DPP10: variants seen among roughly 807,000 people sequenced by gnomAD.
DPP10 encodes the protein inactive dipeptidyl peptidase 10.
A neutral mutation model predicts 120.9 loss-of-function variants in DPP10; 33 were observed. The observed-to-expected ratio is 0.27, with a 90% confidence interval of 0.21 to 0.37. The LOEUF (loss-of-function observed/expected upper bound fraction) is 0.37, where lower values mean the gene tolerates loss of function less well. Among genes scored for constraint, DPP10 ranks in the 10% least tolerant of loss-of-function variants. The pLI is 1.00. For synonymous variants in DPP10, 337 were observed against 326.1 expected, an observed-to-expected ratio of 1.03 and a Z score of -0.36; for missense variants, 816 against 942.8, an observed-to-expected ratio of 0.87 and a Z score of 1.76.
At chr2:115,156,100 C>G (rs1163367084) in intron 1 of DPP10, among the ~76,000 whole-genome samples, 1 of 152,094 alleles carries the variant, frequency 6.6e-6, no homozygotes, top group Non-Finnish European at 1.5e-5. Context: ...CACTAGCAAG[C>G]AACTCATCGT....
intron 3 of DPP10, among the ~76,000 whole-genome samples, chr2:115,384,652 GA>G (rs2066759422): frequency 1.4e-5 from 2 of 141,962 alleles, no homozygotes; most frequent in African/African-American, 5.3e-5. Flanking sequence ...GGAAGAAGAA[GA>G]AGGAAGAAGA....
At chr2:114,949,619 A>G (rs1240289563) in intron 1 of DPP10, among the ~76,000 whole-genome samples, 2 of 152,186 alleles carry the variant, frequency 1.3e-5, no homozygotes, top group Non-Finnish European at 2.9e-5. Flanking sequence ...AGATGTTGCA[A>G]TGCTGGGTCT....
intron 4 of DPP10, among the ~76,000 whole-genome samples, chr2:115,508,634 A>G (rs536526355): frequency 2.6e-5 from 4 of 152,260 alleles, no homozygotes; most frequent in South Asian, 4.1e-4. Context: ...GCCGGGCTCA[A>G]TGGCTCACGC....
At chr2:114,710,680 G>C (rs556947882) in intron 1 of DPP10, among the ~76,000 whole-genome samples, 16 of 152,266 alleles carry the variant, frequency 1.1e-4, no homozygotes, top group African/African-American at 3.8e-4. Flanking sequence ...AGGAGACGGA[G>C]GTTGCAGACA....
At chr2:115,010,470 A>T (rs1251363075) in intron 1 of DPP10, among the ~76,000 whole-genome samples, 1 of 151,812 alleles carries the variant, frequency 6.6e-6, no homozygotes, top group Non-Finnish European at 1.5e-5. Context: ...TGTCAGTCAC[A>T]AAATATTATC....
At chr2:115,599,598 G>A (rs540804614) in intron 5 of DPP10, among the ~76,000 whole-genome samples, 1 of 152,116 alleles carries the variant, frequency 6.6e-6, no homozygotes, top group East Asian at 1.9e-4. Context: ...TGCTTTACTA[G>A]CCTCATACGA....
At chr2:115,482,400 AT>A (rs2075495632) in intron 3 of DPP10, among the ~76,000 whole-genome samples, 1 of 151,940 alleles carries the variant, frequency 6.6e-6, no homozygotes, top group Non-Finnish European at 1.5e-5. Context: ...AAAAACAGCT[AT>A]GAAATTTGCC....
At chr2:114,501,526 A>T (rs1159798937) in intron 1 of DPP10, among the ~76,000 whole-genome samples, 1 of 152,202 alleles carries the variant, frequency 6.6e-6, no homozygotes, top group Non-Finnish European at 1.5e-5. Context: ...CATGTTCTAA[A>T]TGACCTTTAT....
At chr2:114,503,054 T>C (rs752203917) in intron 1 of DPP10, among the ~76,000 whole-genome samples, 8 of 152,136 alleles carry the variant, frequency 5.3e-5, no homozygotes, top group Non-Finnish European at 8.8e-5. Flanking sequence ...GATAGATGGA[T>C]AAGAGTTGAA....
chr2:114,830,815 A>C (rs1217463730), intron 1 of DPP10, among the ~76,000 whole-genome samples: 2 of 152,088 alleles, frequency 1.3e-5, no homozygotes, highest in Non-Finnish European at 2.9e-5. Context: ...GTCAAACTGG[A>C]GAGGCAATTG....
At chr2:114,454,673 C>G (rs779814403) in intron 1 of DPP10, among the ~76,000 whole-genome samples, 3 of 152,184 alleles carry the variant, frequency 2.0e-5, no homozygotes, top group African/African-American at 4.8e-5. Flanking sequence ...GGGCTGAATT[C>G]ACAGGGAATT....
At chr2:115,248,517 A>G (rs2058628493) in intron 1 of DPP10, among the ~76,000 whole-genome samples, 1 of 152,100 alleles carries the variant, frequency 6.6e-6, no homozygotes, top group Non-Finnish European at 1.5e-5. Flanking sequence ...CAATTGGAGT[A>G]ACCTGCTGCT....
intron 3 of DPP10, among the ~76,000 whole-genome samples, chr2:115,355,915 A>G (rs1221540834): frequency 6.6e-6 from 1 of 152,174 alleles, no homozygotes. Context: ...ATTGGTCTAT[A>G]TGTCTGTTTT....
intron 1 of DPP10, among the ~76,000 whole-genome samples, chr2:115,154,156 T>C (rs899919675): frequency 6.6e-6 from 1 of 152,224 alleles, no homozygotes; most frequent in African/African-American, 2.4e-5. Flanking sequence ...ACAAATATTT[T>C]ATTCAATTTC....
intron 1 of DPP10, among the ~76,000 whole-genome samples, chr2:114,786,488 A>T (rs1054581639): frequency 1.2e-4 from 18 of 152,208 alleles, no homozygotes; most frequent in Non-Finnish European, 2.2e-4. Flanking sequence ...TTTGAAAAGA[A>T]TTACAGCAAT....
rs556432330 is a variant in DPP10 at position 114,858,485 on chromosome 2, T to C, written c.60+415647T>C. On this transcript the variant is annotated intron_variant, in intron 1 of 25. Coordinates refer to ENST00000410059, the MANE Select transcript of DPP10 (RefSeq NM_020868.6). ...ACATGATCTGTCAAAAGAGGTTGAT[T>C]GCACTTTCTCCTAGCCAACAGATTT... Among the ~76,000 whole-genome samples, 7 of 152,366 alleles carry C rather than the reference T, an allele frequency of 4.6e-5. No homozygotes were observed. In the East Asian group the frequency reaches 1.4e-3, roughly 29 times the overall value.
rs546749434 is a variant in DPP10, at chr2:114,917,284, G to C, written c.61-391955G>C. On this transcript the variant is annotated intron_variant, in intron 1 of 25. Coordinates refer to ENST00000410059, the MANE Select transcript of DPP10 (RefSeq NM_020868.6). ...CCAAGGAAGGGAAAAATCTCTACAA[G>C]AAGAGTTACAAAACAGTCCTGAAAG... Among the ~76,000 whole-genome samples the C allele has an allele frequency of 4.6e-5, 7 of 152,180 alleles. No homozygotes were observed. The South Asian group carries it at 1.5e-3, about 32-fold the overall frequency.
intron 5 of DPP10, among the ~76,000 whole-genome samples, chr2:115,601,046 A>T (rs1219626572): frequency 1.3e-5 from 2 of 152,196 alleles, no homozygotes; most frequent in African/African-American, 2.4e-5. Context: ...TCACCTGCTT[A>T]TCATCTTCAA....
In DPP10 at chr2:114,808,473, A is replaced by G. The variant is rs116697077; in HGVS notation, c.60+365635A>G. 9.4e-3 allele frequency among the ~76,000 whole-genome samples: 1,422 copies of G among 152,072 alleles called. 18 individuals carry two copies. The highest frequency in any genetic ancestry group is 0.033 in the African/African-American group (1,348 of 41,450). ...AAGGTTTATCAAAGTGATTATACCAATTTACACTGCCCCCAAACATAAAAG... is the reference window on the plus strand; with the variant it reads ...AAGGTTTATCAAAGTGATTATACCAGTTTACACTGCCCCCAAACATAAAAG... On this transcript the variant is annotated intron_variant, in intron 1 of 25. Transcript: ENST00000410059.
Sources: gnomAD v4.1 joint callset for allele counts (sites outside exome capture counted in the v4.1 genomes callset) on GRCh38, gnomAD v4.1.1 for gene constraint, MANE v1.5 for transcripts, NCBI Gene and HGNC (gene_info 2026-07-23, HGNC 2026-07-21) for gene names.